DIDO1: variants seen among roughly 807,000 people sequenced by gnomAD.
DIDO1 encodes the protein death-inducer obliterator 1.
DIDO1 carries 16 observed loss-of-function variants against 99.4 expected under a neutral mutation model. That is an observed-to-expected ratio of 0.16 (90% CI 0.11 to 0.24). The LOEUF (loss-of-function observed/expected upper bound fraction) is 0.24. Among genes scored for constraint, DIDO1 ranks in the 10% least tolerant of loss-of-function variants. DIDO1 has a pLI of 1.00. For synonymous variants in DIDO1, 1,366 were observed against 1,239.1 expected, an observed-to-expected ratio of 1.10 and a Z score of -2.15; for missense variants, 2,996 against 3,014.0, an observed-to-expected ratio of 0.99 and a Z score of 0.14.
chr20:62,882,629 T>C (rs981205621), intron 15 of DIDO1, among the ~76,000 whole-genome samples: 3 of 125,704 alleles, frequency 2.4e-5, no homozygotes, highest in Non-Finnish European at 5.1e-5. Context: ...GAACACACCG[T>C]GCCAGGAATG....
rs781182899 is a variant in DIDO1, at chr20:62,882,064, T to A, written c.3892A>T (p.Thr1298Ser). The A allele has an allele frequency of 1.2e-6, 2 of 1,613,450 alleles. No homozygotes were observed. Reference protein sequence around the residue: ...TAATTAAAASTAASSTASSAS... With the variant: ...TAATTAAAASSAASSTASSAS... ...GACGAAGCGGTGGAGGAAGCTGCCG[T>A]GGAGGCTGCCGCTGCTGTTGTGGCT... is the stretch of plus-strand genomic sequence containing the variant. The change falls in exon 16 of 16, where the codon ACG becomes TCG. Residue 1298 changes from threonine (T) to serine (S), a missense_variant. By Grantham distance (58) the Thr-to-Ser change is moderately conservative. Around this residue, in one of 5 missense-constraint regions of DIDO1, gnomAD observed 1,562 missense variants for 1,412.6 expected, o/e 1.11. Transcript: ENST00000395343.
chr20:62,881,069 G>C lies in DIDO1; in HGVS notation c.4887C>G (p.Ser1629=). Residue 1629 remains serine (S), a synonymous_variant, in exon 16 of 16, where the codon TCC becomes TCG. Coordinates refer to ENST00000395343, the MANE Select transcript of DIDO1 (RefSeq NM_001193369.2). The surrounding 1 kb of genome is among the most constrained non-coding windows in gnomAD (Gnocchi z 8.3). ...GCTCTGCCTTCCAGCCGTCCTGCTCGGACCCCGCTGGGGGCTTTTCGCCCG... is the reference window on the plus strand; with the variant it reads ...GCTCTGCCTTCCAGCCGTCCTGCTCCGACCCCGCTGGGGGCTTTTCGCCCG... The part of the protein sequence containing the change: ...WASGEKPPAG[S]EQDGWKAEPG... The C allele has an allele frequency of 2.5e-6, 4 of 1,608,672 alleles. No individual in the cohort carries two copies. The highest frequency in any genetic ancestry group is 3.4e-6 in the Non-Finnish European group (4 of 1,179,324).
Position 62,894,749 on chromosome 20 carries a change from T to C in DIDO1, c.2436+61A>G. 1 of 1,544,712 alleles carries C rather than the reference T, an allele frequency of 6.5e-7. No homozygotes were observed. The highest frequency in any genetic ancestry group is 1.2e-5 in the South Asian group (1 of 86,550). ...TCCTGCCCAATAATTTAAGATAACC[T>C]CAAAACATTTGGGATGGATTAGTCT... is the stretch of plus-strand genomic sequence containing the variant. On this transcript the variant is annotated intron_variant, in intron 10 of 15. Transcript: ENST00000395343. This position sits in a 1 kb window ranked among gnomAD's most constrained non-coding sequence, Gnocchi z 4.4.
intron 1 of DIDO1, among the ~76,000 whole-genome samples, chr20:62,923,845 G>A (rs1330372296): frequency 1.3e-5 from 2 of 152,140 alleles, no homozygotes; most frequent in Non-Finnish European, 2.9e-5. Flanking sequence ...TGATACCCAA[G>A]GAGAGAAATG....
At position 62,896,963 on chromosome 20, in the gene DIDO1, G is replaced by A. The variant is rs768059478; in HGVS notation, c.1622C>T (p.Ala541Val). 13 of 1,613,498 alleles carry A rather than the reference G, an allele frequency of 8.1e-6. No individual in the cohort carries two copies. The highest frequency in any genetic ancestry group is 2.2e-5 in the East Asian group (1 of 44,904). Reference sequence around the variant, plus strand: ...TTTCTTTGAGGCTGCCATGGCTGCCGCTTTCTCCTCGGACCTCCTGTCTTC... The same window carrying A: ...TTTCTTTGAGGCTGCCATGGCTGCCACTTTCTCCTCGGACCTCCTGTCTTC... ...TKEDRRSEEK[A>V]AAMAASKKTA... The change falls in exon 7 of 16, where the codon GCG becomes GTG. Residue 541 changes from alanine (A) to valine (V), a missense_variant. Ala to Val is a moderately conservative substitution (Grantham distance 64). Coordinates refer to ENST00000395343, the MANE Select transcript of DIDO1 (RefSeq NM_001193369.2). The surrounding 1 kb of genome is among the most constrained non-coding windows in gnomAD (Gnocchi z 4.4).
At chr20:62,924,836 C>T (rs1267330238) in intron 1 of DIDO1, among the ~76,000 whole-genome samples, 2 of 152,168 alleles carry the variant, frequency 1.3e-5, no homozygotes, top group Non-Finnish European at 2.9e-5. Context: ...TTGACATAGT[C>T]TGAATTCAAT....
At chr20:62,923,586 C>G (rs140371596) in intron 1 of DIDO1, among the ~76,000 whole-genome samples, 1 of 152,232 alleles carries the variant, frequency 6.6e-6, no homozygotes, top group Non-Finnish European at 1.5e-5. Flanking sequence ...CAGCCTCCAA[C>G]GCATCCCGTT....
chr20:62,893,111 C>T (rs1449756506), intron 12 of DIDO1, 149 bp from the exon 13 acceptor site: 6 of 822,438 alleles, frequency 7.3e-6, no homozygotes, highest in South Asian at 1.9e-5. Context: ...CTGCAGTCTC[C>T]GCCTCCCAGG....
intron 15 of DIDO1, 140 bp downstream of exon 15, chr20:62,890,820 A>C (rs2064380736): frequency 6.5e-7 from 1 of 1,536,492 alleles, no homozygotes; most frequent in Non-Finnish European, 8.7e-7. Flanking sequence ...GATGAATCCT[A>C]TTGCTAACCG....
At chr20:62,909,387 TGA>T (rs2064876190) in intron 4 of DIDO1, among the ~76,000 whole-genome samples, 1 of 152,172 alleles carries the variant, frequency 6.6e-6, no homozygotes, top group Non-Finnish European at 1.5e-5. Flanking sequence ...AGACAGCAGG[TGA>T]CACAGGAGCA....
rs368929172 is a variant in DIDO1 at position 62,905,963 on chromosome 20, C to A, written c.1512G>T (p.Ser504=). The A allele has an allele frequency of 5.6e-6, 9 of 1,613,984 alleles. No individual in the cohort carries two copies. Among genetic ancestry groups the A allele is most frequent in the African/African-American group, 1.3e-5 (1 of 74,906 alleles). The change falls in exon 6 of 16, where the codon TCG becomes TCT. Residue 504 remains serine, a synonymous_variant. Transcript: ENST00000395343. The part of the protein sequence containing the change: ...KEAACESSTP[S]WASDHNYNAV... Reference sequence around the variant, plus strand: ...CATTGTAATTGTGATCGCTCGCCCACGACGGCGTGCTGCTCTCACAAGCTG... The same window carrying A: ...CATTGTAATTGTGATCGCTCGCCCAAGACGGCGTGCTGCTCTCACAAGCTG...
intron 6 of DIDO1, among the ~76,000 whole-genome samples, chr20:62,902,154 G>T (rs1275696568): frequency 1.3e-5 from 2 of 152,214 alleles, no homozygotes; most frequent in Non-Finnish European, 2.9e-5. Context: ...CCACGGGACG[G>T]TGCTGATGTG....
chr20:62,880,060 G>C lies in DIDO1; in HGVS notation c.5896C>G (p.Gln1966Glu). Residue 1966 changes from glutamine (Q) to glutamate (E), a missense_variant, in exon 16 of 16, where the codon CAG (glutamine) becomes GAG (glutamate). Coordinates refer to ENST00000395343, the MANE Select transcript of DIDO1 (RefSeq NM_001193369.2). ...MPGPRGIQPQ[Q>E]FEDQRVHSPP... Reference sequence around the variant, plus strand: ...GAATGGACCCTCTGGTCTTCGAACTGCTGAGGCTGAATGCCCCTGGGACCT... The same window carrying C: ...GAATGGACCCTCTGGTCTTCGAACTCCTGAGGCTGAATGCCCCTGGGACCT... 6.2e-7 allele frequency: 1 copy of C among 1,611,568 alleles called. No homozygotes were observed. The highest frequency in any genetic ancestry group is 8.5e-7 in the Non-Finnish European group (1 of 1,180,002).
At chr20:62,910,632 A>T (rs8115101) in intron 3 of DIDO1, 142 bp downstream of exon 3, 61,279 of 1,021,164 alleles carry the variant, frequency 0.06, 2,127 homozygotes, top group African/African-American at 0.12. Flanking sequence ...AGCCACTCTT[A>T]TGTGTTTCTT....
intron 6 of DIDO1, among the ~76,000 whole-genome samples, chr20:62,898,747 G>A (rs1266911370): frequency 1.3e-5 from 2 of 152,138 alleles, no homozygotes; most frequent in Non-Finnish European, 2.9e-5. Context: ...TCTTAAAAGC[G>A]CACTATAAAA....
intron 6 of DIDO1, among the ~76,000 whole-genome samples, chr20:62,903,874 A>T (rs1237065602): frequency 2.0e-5 from 3 of 152,166 alleles, no homozygotes; most frequent in Non-Finnish European, 4.4e-5. Context: ...GAGGGAGAAG[A>T]GGTCAGAGTA....
At chr20:62,924,750 T>C (rs1356394220) in intron 1 of DIDO1, among the ~76,000 whole-genome samples, 1 of 152,170 alleles carries the variant, frequency 6.6e-6, no homozygotes, top group Non-Finnish European at 1.5e-5. Flanking sequence ...CTGGTAACCA[T>C]GGGTACGGCT....
At position 62,879,170 on chromosome 20, in the gene DIDO1, G is replaced by A. The variant is rs1327032321; in HGVS notation, c.*63C>T. ...ATCTAAGATCGTGGCTATTTCAAAAGCTATTTGTTCAACGCATCTTACGAA... is the reference window on the plus strand; with the variant it reads ...ATCTAAGATCGTGGCTATTTCAAAAACTATTTGTTCAACGCATCTTACGAA... On this transcript the variant is annotated 3_prime_UTR_variant, in exon 16 of 16. Transcript: ENST00000395343. This position sits in a 1 kb window ranked among gnomAD's most constrained non-coding sequence, Gnocchi z 6.3. The A allele has an allele frequency of 2.2e-6, 3 of 1,374,014 alleles. No individual in the cohort carries two copies. Among genetic ancestry groups the A allele is most frequent in the Non-Finnish European group, 2.8e-6 (3 of 1,053,288 alleles). 85.1% of individuals were successfully genotyped at this position (1,374,014 alleles called of 1,614,324 possible).
chr20:62,915,835 G>A (rs998206780), intron 1 of DIDO1, among the ~76,000 whole-genome samples: 3 of 152,000 alleles, frequency 2.0e-5, no homozygotes, highest in Admixed American at 6.6e-5. Context: ...AGAAGTTCTC[G>A]GGAACGAAAA....
Sources: gnomAD v4.1 joint callset for allele counts (sites outside exome capture counted in the v4.1 genomes callset) on GRCh38, gnomAD v4.1.1 for gene constraint, gnomAD v4.1.1 regional missense constraint, Gnocchi (gnomAD v3.1) non-coding constraint, MANE v1.5 for transcripts, NCBI Gene and HGNC (gene_info 2026-07-23, HGNC 2026-07-21) for gene names.